Variants in ZBTB20 observed in about 807,000 individuals in gnomAD.
The protein encoded by ZBTB20 is zinc finger and BTB domain-containing protein 20.
A neutral mutation model predicts 56.9 loss-of-function variants in ZBTB20; 9 were observed. The ratio of observed to expected loss-of-function variants is 0.16; its 90% CI spans 0.10 to 0.28. The LOEUF (loss-of-function observed/expected upper bound fraction) is 0.28, where lower values mean the gene tolerates loss of function less well. Among genes scored for constraint, ZBTB20 ranks in the 10% least tolerant of loss-of-function variants. ZBTB20 has a pLI of 1.00. For synonymous variants in ZBTB20, 417 were observed against 420.7 expected (o/e 0.99, Z 0.11); for missense variants, 655 against 1,003.0 (o/e 0.65, Z 4.69).
intron 4 of ZBTB20, among the ~76,000 whole-genome samples, chr3:114,841,600 C>T (rs2074386334): frequency 1.3e-5 from 2 of 152,008 alleles, no homozygotes; most frequent in African/African-American, 4.8e-5. Context: ...TCAAAAGTAC[C>T]AGGTGATTGA....
At chr3:114,650,381 T>G (rs2060068241) in intron 6 of ZBTB20, among the ~76,000 whole-genome samples, 1 of 151,946 alleles carries the variant, frequency 6.6e-6, no homozygotes, top group Non-Finnish European at 1.5e-5. Context: ...CCATTTTCAA[T>G]GCCATGCACT....
At chr3:114,408,341 C>G (rs955774443) in intron 7 of ZBTB20, among the ~76,000 whole-genome samples, 5 of 152,182 alleles carry the variant, frequency 3.3e-5, no homozygotes, top group African/African-American at 1.2e-4. Context: ...TGTCTTCTAC[C>G]AGTTTTCCAC....
intron 1 of ZBTB20, among the ~76,000 whole-genome samples, chr3:115,075,366 T>G (rs537271421): frequency 6.6e-6 from 1 of 152,304 alleles, no homozygotes; most frequent in African/African-American, 2.4e-5. Context: ...TTCATATAAG[T>G]GGAATCATGT....
intron 6 of ZBTB20, among the ~76,000 whole-genome samples, chr3:114,511,187 C>T (rs1038705969): frequency 1.3e-5 from 2 of 149,058 alleles, no homozygotes; most frequent in Admixed American, 1.3e-4. Context: ...ATATAATTAT[C>T]TTATGCAGTA....
chr3:114,580,138 A>G (rs2054501373), intron 6 of ZBTB20, among the ~76,000 whole-genome samples: 1 of 151,730 alleles, frequency 6.6e-6, no homozygotes, highest in Non-Finnish European at 1.5e-5. Flanking sequence ...ATTAAACTCA[A>G]TAGTAGATTA....
intron 2 of ZBTB20, among the ~76,000 whole-genome samples, chr3:115,018,375 C>T (rs2080065688): frequency 6.6e-6 from 1 of 151,274 alleles, no homozygotes. Context: ...TTTATTCTCC[C>T]AAAGTTGAAA....
chr3:114,391,084 G>A (rs1521069), intron 7 of ZBTB20, among the ~76,000 whole-genome samples: 147,637 of 152,104 alleles, frequency 0.97, 71,809 homozygotes, highest in East Asian at 1. Context: ...TTCTATACCA[G>A]CCCCTATTTC....
intron 7 of ZBTB20, among the ~76,000 whole-genome samples, chr3:114,477,801 C>T (rs1250363755): frequency 6.6e-6 from 1 of 151,654 alleles, no homozygotes; most frequent in Non-Finnish European, 1.5e-5. Context: ...GGTCCGTACC[C>T]TGCACTCTTT....
At chr3:114,410,155 G>A (rs534954305) in intron 7 of ZBTB20, among the ~76,000 whole-genome samples, 1 of 152,148 alleles carries the variant, frequency 6.6e-6, no homozygotes, top group African/African-American at 2.4e-5. Context: ...GCTGAACAAT[G>A]GATGCCAGGA....
Position 114,413,414 on chromosome 3 carries a change from T to A in ZBTB20, c.-254-24309A>T, listed in dbSNP as rs1046881677. On this transcript the variant is annotated intron_variant, in intron 7 of 11. Coordinates refer to ENST00000675478, the MANE Select transcript of ZBTB20 (RefSeq NM_001348800.3). ...ATGACATAAATAGTATCACAAAGGT[T>A]TAGCTAAATTCATGGATAAGTCCAT... Among the ~76,000 whole-genome samples, 3 of 152,272 alleles carry A rather than the reference T, an allele frequency of 2.0e-5. No individual in the cohort carries two copies. The East Asian group carries it at 5.8e-4, about 29-fold the overall frequency.
chr3:114,900,362 T>TATCAC lies in ZBTB20; in HGVS notation c.-455-21_-455-20insGTGAT, dbSNP rs1178606990. On this transcript the variant is annotated intron_variant, in intron 3 of 11. Coordinates refer to ENST00000675478, the MANE Select transcript of ZBTB20 (RefSeq NM_001348800.3). ...TCAATTCTGAAATGTAAAAGAAATA[T>TATCAC]ATAAGTAAAAATTAATTTACTAAGT... 6.6e-6 allele frequency: 1 copy of TATCAC among 151,684 alleles called. No individual in the cohort carries two copies. The highest frequency in any genetic ancestry group is 1.5e-5 in the Non-Finnish European group (1 of 67,936). The allele number at this position is 151,684 out of a possible 1,614,324, so 9.4% of individuals were successfully genotyped here. A position where few individuals can be genotyped will look rare whatever the true frequency, so the allele number is the denominator to read the frequency against.
At chr3:115,022,486 T>C (rs2080246147) in intron 2 of ZBTB20, among the ~76,000 whole-genome samples, 1 of 151,072 alleles carries the variant, frequency 6.6e-6, no homozygotes, top group African/African-American at 2.4e-5. Flanking sequence ...GCTCTTTAAT[T>C]TTCGTTGCTT....
rs369640371 is a variant in ZBTB20 at position 115,116,113 on chromosome 3, T to C, written c.-703+31106A>G. On this transcript the variant is annotated intron_variant, in intron 1 of 11. Coordinates refer to ENST00000675478, the MANE Select transcript of ZBTB20 (RefSeq NM_001348800.3). Reference sequence around the variant, plus strand: ...TTGTCTGTTTTGTAAGAGTTAGTTTTAGTTAAACTAATCTGTCACTAATCT... The same window carrying C: ...TTGTCTGTTTTGTAAGAGTTAGTTTCAGTTAAACTAATCTGTCACTAATCT... Among the ~76,000 whole-genome samples, 116 of 152,176 alleles carry C rather than the reference T, an allele frequency of 7.6e-4. No homozygotes were observed. In the South Asian group the frequency reaches 0.022, roughly 29 times the overall value.
chr3:115,026,366 C>A (rs2080424116), intron 2 of ZBTB20, among the ~76,000 whole-genome samples: 1 of 151,018 alleles, frequency 6.6e-6, no homozygotes, highest in South Asian at 2.1e-4. Context: ...TTCAACTGTA[C>A]AAATGCTGGA....
At chr3:114,937,289 G>A (rs1009908034) in intron 3 of ZBTB20, among the ~76,000 whole-genome samples, 5 of 152,108 alleles carry the variant, frequency 3.3e-5, no homozygotes, top group African/African-American at 1.2e-4. Context: ...GTTGTTTTCT[G>A]ACTTTTTAAT....
At chr3:114,490,695 T>C (rs2042647640) in intron 7 of ZBTB20, among the ~76,000 whole-genome samples, 1 of 152,232 alleles carries the variant, frequency 6.6e-6, no homozygotes, top group African/African-American at 2.4e-5. Flanking sequence ...TTCAAGTAGA[T>C]GATCTAATTG....
At chr3:114,359,573 T>C (rs2081593543) in intron 10 of ZBTB20, 1 of 152,212 alleles carries the variant, frequency 6.6e-6, no homozygotes, top group Non-Finnish European at 1.5e-5. Context: ...GTTTCATTTT[T>C]TCTCTCTCTA....
rs1223732179 is a variant in ZBTB20, at chr3:114,883,916, C to CCT, written c.-417+16387_-417+16388insAG. 1.3e-3 allele frequency among the ~76,000 whole-genome samples: 120 copies of CCT among 89,820 alleles called. 30 individuals carry two copies. The highest frequency in any genetic ancestry group is 2.0e-3 in the South Asian group (5 of 2,552). The allele number at this position is 89,820 out of a possible 152,430, so 58.9% of individuals were successfully genotyped here. On this transcript the variant is annotated intron_variant, in intron 4 of 11. Transcript: ENST00000675478. ...GTATAACTGGTAAGAATGGTGTGTTCTTTTTTTTTTTTTTTTTTTTTTTTT... is the reference window on the plus strand; with the variant it reads ...GTATAACTGGTAAGAATGGTGTGTTCCTTTTTTTTTTTTTTTTTTTTTTTTTT...
In ZBTB20 at chr3:114,716,956, TAAACA is replaced by T. The variant is rs904575186; in HGVS notation, c.-342-23386_-342-23382del. ...GGTATTCATTGAAGATCCAGGAGAATAAACAAAACAAAACAAAACAAAACAAAAGG... is the reference window on the plus strand; with the variant it reads ...GGTATTCATTGAAGATCCAGGAGAATAAACAAAACAAAACAAAACAAAAGG... On this transcript the variant is annotated intron_variant, in intron 5 of 11. Coordinates refer to ENST00000675478, the MANE Select transcript of ZBTB20 (RefSeq NM_001348800.3). Among the ~76,000 whole-genome samples the T allele has an allele frequency of 2.4e-4, 36 of 151,944 alleles. No homozygotes were observed. In the South Asian group the frequency reaches 2.9e-3, roughly 12 times the overall value.
Sources: allele counts gnomAD v4.1 joint callset (sites outside exome capture counted in the v4.1 genomes callset), GRCh38; gene constraint gnomAD v4.1.1; transcripts MANE v1.5; gene names NCBI Gene and HGNC (gene_info 2026-07-23, HGNC 2026-07-21).